Variants in RABGAP1L observed in about 807,000 individuals in gnomAD.
RABGAP1L encodes rab GTPase-activating protein 1-like.
RABGAP1L carries 63 observed loss-of-function variants against 137.7 expected under a neutral mutation model. The observed-to-expected ratio is 0.46, with a 90% CI of 0.37 to 0.56. The LOEUF is 0.56. RABGAP1L is among the 20% of genes least tolerant of loss of function. The pLI, the probability that RABGAP1L is intolerant of heterozygous loss-of-function variation, is 0.00. For synonymous variants in RABGAP1L, 431 were observed against 433.7 expected (o/e 0.99, Z 0.08); for missense variants, 1,095 against 1,244.0 (o/e 0.88, Z 1.80).
chr1:174,743,323 T>C (rs918299587), intron 17 of RABGAP1L, among the ~76,000 whole-genome samples: 1 of 152,200 alleles, frequency 6.6e-6, no homozygotes, highest in Admixed American at 6.5e-5. Context: ...ATACTTTTTT[T>C]TGAGAGACCT....
At chr1:174,337,302 T>G (rs1681572317) in intron 11 of RABGAP1L, among the ~76,000 whole-genome samples, 1 of 152,090 alleles carries the variant, frequency 6.6e-6, no homozygotes, top group African/African-American at 2.4e-5. Flanking sequence ...CCACGGTAGC[T>G]TGCATATTCA....
chr1:174,381,139 C>A (rs1372369501), intron 12 of RABGAP1L, among the ~76,000 whole-genome samples: 1 of 128,634 alleles, frequency 7.8e-6, no homozygotes, highest in Non-Finnish European at 1.6e-5. Context: ...TTTGATTGCA[C>A]TGTGGTCTGA....
chr1:174,321,298 G>A (rs1571207091), intron 11 of RABGAP1L, among the ~76,000 whole-genome samples: 1 of 152,178 alleles, frequency 6.6e-6, no homozygotes, highest in East Asian at 1.9e-4. Context: ...TTTCGCCCTG[G>A]TCCTGTGATC....
At chr1:174,288,166 A>G (rs1302522224) in intron 10 of RABGAP1L, among the ~76,000 whole-genome samples, 2 of 152,220 alleles carry the variant, frequency 1.3e-5, no homozygotes, top group Non-Finnish European at 2.9e-5. Context: ...TTGTGTGCCC[A>G]TTAAAATTAT....
intron 19 of RABGAP1L, among the ~76,000 whole-genome samples, chr1:174,870,359 G>C (rs1651981361): frequency 1.3e-5 from 2 of 152,036 alleles, no homozygotes; most frequent in African/African-American, 4.8e-5. Flanking sequence ...TTCTATTACA[G>C]TCCTATATCA....
chr1:174,170,569 G>A (rs1665277155), intron 1 of RABGAP1L, among the ~76,000 whole-genome samples: 1 of 151,798 alleles, frequency 6.6e-6, no homozygotes, highest in Admixed American at 6.6e-5. Context: ...CAGCTGCTCG[G>A]GAGGCTGAGG....
chr1:174,678,420 A>C (rs1677799536), intron 14 of RABGAP1L, among the ~76,000 whole-genome samples: 1 of 152,132 alleles, frequency 6.6e-6, no homozygotes, highest in South Asian at 2.1e-4. Flanking sequence ...AAGAAGTTAC[A>C]GACCAGTATT....
chr1:174,318,580 T>TTTTCTTCC (rs1553272543), intron 11 of RABGAP1L, among the ~76,000 whole-genome samples: 8 of 117,550 alleles, frequency 6.8e-5, no homozygotes, highest in Non-Finnish European at 5.3e-5. Flanking sequence ...TTGGTGATTG[T>TTTTCTTCC]TTTCTTTCTT....
At chr1:174,498,459 T>C (rs1472329053) in intron 13 of RABGAP1L, among the ~76,000 whole-genome samples, 1 of 152,104 alleles carries the variant, frequency 6.6e-6, no homozygotes, top group Non-Finnish European at 1.5e-5. Context: ...GAAATACATA[T>C]ATTTAAACTG....
chr1:174,435,917 G>C (rs1483534073), intron 13 of RABGAP1L, among the ~76,000 whole-genome samples: 4 of 150,930 alleles, frequency 2.7e-5, no homozygotes, highest in South Asian at 2.1e-4. Flanking sequence ...TTGATTTTTT[G>C]TCCTTGCTAC....
chr1:174,902,446 C>T (rs1055020181), intron 19 of RABGAP1L, among the ~76,000 whole-genome samples: 4 of 152,152 alleles, frequency 2.6e-5, no homozygotes, highest in African/African-American at 9.7e-5. Context: ...CACAGAACGT[C>T]GCTGCTTGAC....
At chr1:174,700,947 C>A in intron 16 of RABGAP1L, 1 of 737,438 alleles carries the variant, frequency 1.4e-6, no homozygotes, top group Non-Finnish European at 1.9e-6. Context: ...GAACCTCAAC[C>A]ACATTTTTCT....
At chr1:174,343,653 A>G (rs1682178652) in intron 11 of RABGAP1L, among the ~76,000 whole-genome samples, 2 of 152,180 alleles carry the variant, frequency 1.3e-5, no homozygotes, top group South Asian at 4.1e-4. Flanking sequence ...CTATAGTCAA[A>G]TTTTAAAAAT....
chr1:174,795,134 G>A (rs768178134), intron 18 of RABGAP1L, among the ~76,000 whole-genome samples: 21 of 152,022 alleles, frequency 1.4e-4, no homozygotes, highest in Admixed American at 2.6e-4. Flanking sequence ...ACCATTGCCT[G>A]GTTTTTTCTC....
intron 13 of RABGAP1L, among the ~76,000 whole-genome samples, chr1:174,459,685 A>G (rs1656449121): frequency 1.3e-5 from 2 of 151,938 alleles, no homozygotes; most frequent in South Asian, 4.1e-4. Context: ...GCGACCATCC[A>G]TTTTTTTCCC....
At chr1:174,498,133 T>C (rs1459182485) in intron 13 of RABGAP1L, among the ~76,000 whole-genome samples, 1 of 152,200 alleles carries the variant, frequency 6.6e-6, no homozygotes, top group African/African-American at 2.4e-5. Context: ...TTTTTAGCTT[T>C]GAATTCACTG....
intron 4 of RABGAP1L, among the ~76,000 whole-genome samples, chr1:174,232,485 TA>T (rs1304294197): frequency 3.7e-3 from 478 of 129,582 alleles, no homozygotes; most frequent in Middle Eastern, 8.8e-3. Flanking sequence ...CCATCTCAAT[TA>T]AAAAAAAAAA....
intron 10 of RABGAP1L, among the ~76,000 whole-genome samples, chr1:174,301,612 G>T (rs187291471): frequency 1.3e-5 from 2 of 152,064 alleles, no homozygotes; most frequent in Admixed American, 1.3e-4. Context: ...GGAAGGTGGA[G>T]AATTTAATTG....
At chr1:174,936,048 T>C (rs932991366) in intron 19 of RABGAP1L, among the ~76,000 whole-genome samples, 9 of 146,660 alleles carry the variant, frequency 6.1e-5, no homozygotes, top group African/African-American at 2.3e-4. Context: ...TTGCAGTATG[T>C]AGATTTAAAT....
Sources: gnomAD v4.1 joint callset for allele counts (sites outside exome capture counted in the v4.1 genomes callset) on GRCh38, gnomAD v4.1.1 for gene constraint, MANE v1.5 for transcripts, NCBI Gene and HGNC (gene_info 2026-07-23, HGNC 2026-07-21) for gene names.